The following CPAP variants were observed in gnomAD, a reference collection of about 807,000 sequenced individuals.
The protein encoded by CPAP is centrosome assembly and centriole elongation protein.
the CPAP span, among the ~76,000 whole-genome samples, chr13:24,933,883 C>A: frequency 6.6e-6 from 1 of 151,992 alleles, no homozygotes; most frequent in Non-Finnish European, 1.5e-5. Flanking sequence ...TGCCACCACG[C>A]CTGGCTAATT....
At chr13:24,909,594 G>A in the CPAP span, among the ~76,000 whole-genome samples, 3 of 151,816 alleles carry the variant, frequency 2.0e-5, no homozygotes, top group Non-Finnish European at 4.4e-5. Flanking sequence ...AGGGTAGCAC[G>A]TGCCTATAGT....
At chr13:24,930,069 C>T in the CPAP span, among the ~76,000 whole-genome samples, 4 of 151,778 alleles carry the variant, frequency 2.6e-5, no homozygotes, top group African/African-American at 4.8e-5. Context: ...CACCACCATG[C>T]CCAGTTAATT....
the CPAP span, chr13:24,906,414 T>C: frequency 6.2e-6 from 10 of 1,613,640 alleles, no homozygotes; most frequent in Middle Eastern, 1.6e-4. Flanking sequence ...GTCTCCCTTA[T>C]GGGGCTCTTA....
At chr13:24,909,611 T>A in the CPAP span, among the ~76,000 whole-genome samples, 1 of 151,972 alleles carries the variant, frequency 6.6e-6, no homozygotes, top group African/African-American at 2.4e-5. Context: ...TAGTCCCAGC[T>A]ACCTGAGAGG....
the CPAP span, among the ~76,000 whole-genome samples, chr13:24,891,491 G>A: frequency 6.6e-6 from 1 of 152,072 alleles, no homozygotes; most frequent in Middle Eastern, 3.2e-3. Context: ...CCTAGTCAGT[G>A]GGACCTTCAT....
At chr13:24,888,537 A>C in the CPAP span, among the ~76,000 whole-genome samples, 1 of 152,196 alleles carries the variant, frequency 6.6e-6, no homozygotes, top group Admixed American at 6.5e-5. Flanking sequence ...GTCTGGCCAG[A>C]TCAAGTGTTT....
the CPAP span, among the ~76,000 whole-genome samples, chr13:24,895,207 T>G: frequency 6.6e-6 from 1 of 152,244 alleles, no homozygotes; most frequent in Non-Finnish European, 1.5e-5. Flanking sequence ...CTCCACAGGC[T>G]CTACGCTCAG....
chr13:24,897,709 G>A, the CPAP span, among the ~76,000 whole-genome samples: 1 of 152,102 alleles, frequency 6.6e-6, no homozygotes, highest in Non-Finnish European at 1.5e-5. Flanking sequence ...ATGTATATAT[G>A]TACTTTCTAA....
chr13:24,928,792 G>A, the CPAP span, among the ~76,000 whole-genome samples: 1 of 152,228 alleles, frequency 6.6e-6, no homozygotes, highest in East Asian at 1.9e-4. Flanking sequence ...TTGGCATTTT[G>A]ATATAGTTAA....
the CPAP span, chr13:24,909,967 C>A: frequency 1.2e-6 from 2 of 1,614,146 alleles, no homozygotes; most frequent in African/African-American, 1.3e-5. Flanking sequence ...GGGTATGTTT[C>A]TTCCTGGGTT....
chr13:24,907,518 TA>T, the CPAP span, among the ~76,000 whole-genome samples: 2 of 152,356 alleles, frequency 1.3e-5, no homozygotes, highest in South Asian at 4.1e-4. Flanking sequence ...TGCATTTTTT[TA>T]ATTAAGAAAG....
At chr13:24,933,441 A>G in the CPAP span, 1 of 231,932 alleles carries the variant, frequency 4.3e-6, no homozygotes, top group Admixed American at 5.0e-5. Context: ...CTATTCTTGA[A>G]GGAAAAAAGT....
At chr13:24,923,085 C>T in the CPAP span, among the ~76,000 whole-genome samples, 3 of 152,240 alleles carry the variant, frequency 2.0e-5, no homozygotes, top group Non-Finnish European at 2.9e-5. Flanking sequence ...CGGGAGAGAC[C>T]TTCCGTGGTG....
chr13:24,907,029 C>T, the CPAP span: 13 of 1,596,902 alleles, frequency 8.1e-6, no homozygotes, highest in Non-Finnish European at 1.1e-5. Flanking sequence ...ATTTTTAAGG[C>T]AAATTATAGA....
chr13:24,917,752 A>C, the CPAP span, among the ~76,000 whole-genome samples: 1 of 152,260 alleles, frequency 6.6e-6, no homozygotes, highest in African/African-American at 2.4e-5. Context: ...TAATTTATAA[A>C]GAAATTTATT....
At chr13:24,919,124 G>T in the CPAP span, among the ~76,000 whole-genome samples, 2 of 152,182 alleles carry the variant, frequency 1.3e-5, no homozygotes, top group African/African-American at 4.8e-5. Flanking sequence ...AGGAAATTTT[G>T]TTAGAACACT....
chr13:24,905,297 T>C, the CPAP span: 1 of 1,533,298 alleles, frequency 6.5e-7, no homozygotes, highest in Non-Finnish European at 9.0e-7. Flanking sequence ...TACTGATTAA[T>C]GTTAAATTTC....
chr13:24,921,001 C>T, the CPAP span, among the ~76,000 whole-genome samples: 1 of 152,044 alleles, frequency 6.6e-6, no homozygotes, highest in Non-Finnish European at 1.5e-5. Flanking sequence ...TGGTCGTTAT[C>T]CAGGAAAATG....
chr13:24,897,310 G>A, the CPAP span, among the ~76,000 whole-genome samples: 2 of 152,192 alleles, frequency 1.3e-5, no homozygotes, highest in Admixed American at 1.3e-4. Context: ...TTGTATCAAT[G>A]TACATACCTT....
Sources: allele counts gnomAD v4.1 joint callset (sites outside exome capture counted in the v4.1 genomes callset), GRCh38; gene constraint gnomAD v4.1.1; transcripts MANE v1.5; gene names NCBI Gene and HGNC (gene_info 2026-07-23, HGNC 2026-07-21).